The following HOOK1 variants were observed in gnomAD, a reference collection of about 807,000 sequenced individuals.
HOOK1 encodes hook microtubule tethering protein 1.
A neutral mutation model predicts 112.8 loss-of-function variants in HOOK1; 60 were observed. The ratio of observed to expected loss-of-function variants is 0.53; its 90% CI spans 0.43 to 0.66. The LOEUF is 0.66. Among genes scored for constraint, HOOK1 ranks in the 30% least tolerant of loss-of-function variants. The probability of loss-of-function intolerance (pLI) is 0.00; values close to 1 mark genes in which losing one functional copy is unlikely to be tolerated. For missense variants in HOOK1, 770 were observed against 856.0 expected (o/e 0.90, Z 1.25); for synonymous variants, 294 against 283.8 (o/e 1.04, Z -0.36).
At chr1:59,837,592 CT>C (rs2098398569) in intron 7 of HOOK1, among the ~76,000 whole-genome samples, 1 of 152,108 alleles carries the variant, frequency 6.6e-6, no homozygotes, top group Non-Finnish European at 1.5e-5. Context: ...ACAATGCCTT[CT>C]CTAATACTTG....
intron 1 of HOOK1, among the ~76,000 whole-genome samples, chr1:59,818,291 A>G (rs567458347): frequency 3.3e-5 from 5 of 152,306 alleles, no homozygotes; most frequent in African/African-American, 9.6e-5. Context: ...GTTGGGAATA[A>G]CTCTTCTTTC....
intron 19 of HOOK1, among the ~76,000 whole-genome samples, chr1:59,866,653 G>A (rs930422381): frequency 6.6e-6 from 1 of 152,152 alleles, no homozygotes; most frequent in Admixed American, 6.6e-5. Flanking sequence ...GATATGTAAT[G>A]GGCGAGGCCT....
Position 59,874,653 on chromosome 1 carries a change from A to G in HOOK1, c.*1688A>G, listed in dbSNP as rs146424833. On this transcript the variant is annotated 3_prime_UTR_variant, in exon 22 of 22. Coordinates refer to ENST00000371208, the MANE Select transcript of HOOK1 (RefSeq NM_015888.6). ...ATATAAACAAAATGGGCATAGTTGTATTTCAGTAAAACTTTATTTACAAAG... is the reference window on the plus strand; with the variant it reads ...ATATAAACAAAATGGGCATAGTTGTGTTTCAGTAAAACTTTATTTACAAAG... The G allele has an allele frequency of 6.6e-6, 1 of 152,348 alleles. No individual in the cohort carries two copies. Among genetic ancestry groups the G allele is most frequent in the African/African-American group, 2.4e-5 (1 of 41,594 alleles). The allele number at this position is 152,348 out of a possible 1,614,324, so 9.4% of individuals were successfully genotyped here.
chr1:59,858,599 C>A, intron 13 of HOOK1, 84 bp downstream of exon 13: 1 of 848,374 alleles, frequency 1.2e-6, no homozygotes, highest in East Asian at 2.5e-5. Context: ...CTTAACCTGT[C>A]ATGGTGGCGC....
At chr1:59,840,248 A>G (rs922735679) in intron 7 of HOOK1, 60 bp from the exon 8 acceptor site, 11 of 1,153,558 alleles carry the variant, frequency 9.5e-6, no homozygotes, top group South Asian at 1.8e-5. Context: ...ATATTTTTCT[A>G]TTTTTCTATA....
At chr1:59,846,911 C>G in intron 9 of HOOK1, 134 bp from the exon 10 acceptor site, 1 of 555,736 alleles carries the variant, frequency 1.8e-6, no homozygotes, top group Middle Eastern at 4.9e-4. Context: ...TTTATTGATA[C>G]ATATTTTATT....
At position 59,865,923 on chromosome 1, in the gene HOOK1, T is replaced by G. The variant is rs1420685738; in HGVS notation, c.1796T>G (p.Met599Arg). 2.5e-6 allele frequency: 4 copies of G among 1,598,076 alleles called. No homozygotes were observed. In the Admixed American group the frequency reaches 7.1e-5, roughly 28 times the overall value. Residue 599 changes from methionine to arginine, a missense_variant, in exon 19 of 22, where the codon ATG becomes AGG. By Grantham distance (91) the Met-to-Arg change is moderately conservative. This residue lies in a region of HOOK1 where 655 missense variants were observed against 725.9 expected (regional missense o/e 0.90). Transcript: ENST00000371208. ...EAALQKKDED[M>R]KAMEERYKMY... ...GCTCTTCAGAAGAAAGATGAAGATA[T>G]GAAAGCAATGGAGGAAAGATATAAA...
At chr1:59,851,774 A>G (rs575597067) in intron 12 of HOOK1, among the ~76,000 whole-genome samples, 1 of 151,742 alleles carries the variant, frequency 6.6e-6, no homozygotes, top group East Asian at 1.9e-4. Context: ...ACCATTATGT[A>G]TGATACTAGC....
At chr1:59,815,249 C>T in intron 1 of HOOK1, 69 bp downstream of exon 1, 3 of 1,440,538 alleles carry the variant, frequency 2.1e-6, no homozygotes, top group Non-Finnish European at 2.8e-6. Context: ...GCGCCCGGTT[C>T]TCCCAGGTGA....
At chr1:59,845,913 G>T (rs188361018) in intron 9 of HOOK1, among the ~76,000 whole-genome samples, 4 of 151,792 alleles carry the variant, frequency 2.6e-5, no homozygotes, top group Non-Finnish European at 4.4e-5. Flanking sequence ...TCTGTTTTCT[G>T]AAAGAGTTTA....
Position 59,828,839 on chromosome 1 carries a change from A to C in HOOK1, c.209A>C (p.Asn70Thr). 6 of 1,613,042 alleles carry C rather than the reference A, an allele frequency of 3.7e-6. No homozygotes were observed. The highest frequency in any genetic ancestry group is 4.2e-6 in the Non-Finnish European group (5 of 1,179,326). ...LSRIKEDVGD[N>T]WRIKASNVKK... ...CGAATTAAAGAGGATGTTGGGGACAACTGGAGAATAAAGGTATGCAGAACA... is the reference window on the plus strand; with the variant it reads ...CGAATTAAAGAGGATGTTGGGGACACCTGGAGAATAAAGGTATGCAGAACA... Residue 70 changes from asparagine to threonine, a missense_variant, in exon 3 of 22, where the codon AAC becomes ACC. Physicochemically the swap from Asn to Thr is moderately conservative, Grantham distance 65. Coordinates refer to ENST00000371208, the MANE Select transcript of HOOK1 (RefSeq NM_015888.6).
chr1:59,870,911 G>T lies in HOOK1; in HGVS notation c.1948-131G>T, dbSNP rs1246052727. 6 of 629,400 alleles carry T rather than the reference G, an allele frequency of 9.5e-6. 1 individual carries two copies. The African/African-American group carries it at 1.1e-4, about 12-fold the overall frequency. The allele number at this position is 629,400 out of a possible 1,614,324, so 39.0% of individuals were successfully genotyped here. ...TTTGTGCTTGATTCAGTTTACATTT[G>T]ACTACATTGTGTGCCTCACAAGTGC... On this transcript the variant is annotated intron_variant, in intron 20 of 21. Coordinates refer to ENST00000371208, the MANE Select transcript of HOOK1 (RefSeq NM_015888.6).
chr1:59,862,720 T>C, intron 15 of HOOK1, 64 bp from the exon 16 acceptor site: 1 of 935,186 alleles, frequency 1.1e-6, no homozygotes, highest in Admixed American at 2.0e-5. Context: ...GAATGTACCT[T>C]TGTAGATCCT....
intron 16 of HOOK1, among the ~76,000 whole-genome samples, chr1:59,864,362 T>G (rs1643919240): frequency 6.6e-6 from 1 of 152,062 alleles, no homozygotes; most frequent in African/African-American, 2.4e-5. Context: ...TCAGATTTAA[T>G]TTTTATTACA....
intron 8 of HOOK1, among the ~76,000 whole-genome samples, chr1:59,841,076 G>A (rs1444749173): frequency 3.3e-5 from 5 of 152,090 alleles, no homozygotes; most frequent in Admixed American, 1.3e-4. Flanking sequence ...TCCCAGAGTG[G>A]TCGTGAGGGT....
At position 59,867,571 on chromosome 1, in the gene HOOK1, G is replaced by GT. The variant is rs577168436; in HGVS notation, c.1846-674dup. Among the ~76,000 whole-genome samples, 163 of 152,112 alleles carry GT rather than the reference G, an allele frequency of 1.1e-3. No homozygotes were observed. In the Middle Eastern group the frequency reaches 0.014, roughly 13 times the overall value. On this transcript the variant is annotated intron_variant, in intron 19 of 21. Coordinates refer to ENST00000371208, the MANE Select transcript of HOOK1 (RefSeq NM_015888.6). ...CAGATGTCCCTGTTTGAAATTTATG[G>GT]TTTTTGCTTGAAATATATTCTTGAC... is the stretch of plus-strand genomic sequence containing the variant.
At chr1:59,820,753 C>T (rs764869870) in intron 1 of HOOK1, among the ~76,000 whole-genome samples, 8 of 152,176 alleles carry the variant, frequency 5.3e-5, no homozygotes, top group Non-Finnish European at 8.8e-5. Context: ...TATGTCTCTT[C>T]CTCCTCTCCT....
intron 3 of HOOK1, 31 bp downstream of exon 3, chr1:59,828,883 T>A: frequency 6.5e-7 from 1 of 1,537,738 alleles, no homozygotes; most frequent in East Asian, 2.3e-5. Flanking sequence ...AAGCACTTGA[T>A]CCAAACAGTG....
At chr1:59,835,229 A>ATT (rs2098396721) in intron 5 of HOOK1, 116 bp from the exon 6 acceptor site, 3 of 675,206 alleles carry the variant, frequency 4.4e-6, no homozygotes, top group Non-Finnish European at 8.0e-6. Context: ...CAAATAATGT[A>ATT]TTTACATAAA....
Sources: allele counts gnomAD v4.1 joint callset (sites outside exome capture counted in the v4.1 genomes callset), GRCh38; gene constraint gnomAD v4.1.1; regional missense constraint gnomAD v4.1.1; transcripts MANE v1.5; gene names NCBI Gene and HGNC (gene_info 2026-07-23, HGNC 2026-07-21).